SLC9A9: variants seen among roughly 807,000 people sequenced by gnomAD.
SLC9A9 encodes sodium/hydrogen exchanger 9.
SLC9A9 carries 62 observed loss-of-function variants against 77.8 expected under a neutral mutation model. The observed-to-expected ratio is 0.80, with a 90% CI of 0.65 to 0.98. The LOEUF is 0.98. Among genes scored for constraint, SLC9A9 ranks in the 50% least tolerant of loss-of-function variants. The pLI is 0.00. For missense variants in SLC9A9, 775 were observed against 774.9 expected, an observed-to-expected ratio of 1.00 and a Z score of 0.00; for synonymous variants, 320 against 283.5, an observed-to-expected ratio of 1.13 and a Z score of -1.29.
intron 12 of SLC9A9, among the ~76,000 whole-genome samples, chr3:143,445,378 A>T (rs1226763506): frequency 6.6e-6 from 1 of 152,158 alleles, no homozygotes; most frequent in African/African-American, 2.4e-5. Context: ...CACATAGGAG[A>T]TGTGATTCAC....
intron 5 of SLC9A9, 43 bp from the exon 6 acceptor site, chr3:143,652,403 G>A (rs1389751205): frequency 2.7e-6 from 4 of 1,490,574 alleles, no homozygotes; most frequent in Non-Finnish European, 3.7e-6. Context: ...TTGGATGCAG[G>A]CATGGAGTTT....
At chr3:143,500,389 G>A (rs1014964990) in intron 9 of SLC9A9, among the ~76,000 whole-genome samples, 2 of 152,088 alleles carry the variant, frequency 1.3e-5, no homozygotes, top group African/African-American at 2.4e-5. Context: ...AACTTTATGA[G>A]TGTTTTCAAG....
intron 11 of SLC9A9, among the ~76,000 whole-genome samples, chr3:143,486,942 TAA>T (rs958874804): frequency 3.3e-5 from 5 of 152,030 alleles, no homozygotes; most frequent in African/African-American, 1.2e-4. Context: ...GTAATTACTT[TAA>T]ATGTAAATGT....
chr3:143,792,217 C>T (rs1487750217), intron 4 of SLC9A9, among the ~76,000 whole-genome samples: 1 of 152,102 alleles, frequency 6.6e-6, no homozygotes, highest in Non-Finnish European at 1.5e-5. Context: ...GTCCTTGTCA[C>T]CATTTATTTA....
chr3:143,458,190 C>T (rs533957176), intron 12 of SLC9A9, among the ~76,000 whole-genome samples: 1 of 152,200 alleles, frequency 6.6e-6, no homozygotes, highest in Admixed American at 6.5e-5. Flanking sequence ...GTAATTCCCT[C>T]TTTAATCCTT....
intron 9 of SLC9A9, among the ~76,000 whole-genome samples, chr3:143,499,259 C>T (rs972165652): frequency 5.3e-5 from 8 of 152,082 alleles, no homozygotes; most frequent in East Asian, 1.9e-4. Context: ...GGATAAAATG[C>T]ACTTCTTTTT....
intron 6 of SLC9A9, among the ~76,000 whole-genome samples, chr3:143,651,942 G>T (rs977039335): frequency 2.0e-5 from 3 of 151,646 alleles, no homozygotes; most frequent in African/African-American, 7.3e-5. Context: ...AAAATTAAAT[G>T]ATATTGATTT....
At chr3:143,492,614 A>G (rs146403687) in intron 11 of SLC9A9, among the ~76,000 whole-genome samples, 185 of 152,330 alleles carry the variant, frequency 1.2e-3, no homozygotes, top group African/African-American at 3.9e-3. Flanking sequence ...TCAAGAATAC[A>G]TTTGTTCTTG....
chr3:143,573,241 C>T (rs1242869455), intron 8 of SLC9A9, among the ~76,000 whole-genome samples: 1 of 152,054 alleles, frequency 6.6e-6, no homozygotes, highest in Non-Finnish European at 1.5e-5. Flanking sequence ...GGGAGGTATA[C>T]CTTGCTACCA....
chr3:143,848,019 C>T (rs1380540837), intron 1 of SLC9A9, 129 bp downstream of exon 1: 2 of 991,670 alleles, frequency 2.0e-6, no homozygotes, highest in African/African-American at 1.6e-5. Flanking sequence ...GCTGCAGCAC[C>T]TTTCATCAAA....
intron 4 of SLC9A9, among the ~76,000 whole-genome samples, chr3:143,730,035 T>C (rs184981299): frequency 3.9e-5 from 6 of 152,336 alleles, no homozygotes; most frequent in Admixed American, 3.9e-4. Context: ...TATAACTTGT[T>C]CTCCAAACCA....
At chr3:143,648,122 A>G (rs56969358) in intron 6 of SLC9A9, among the ~76,000 whole-genome samples, 13,300 of 98,166 alleles carry the variant, frequency 0.14, 575 homozygotes, top group African/African-American at 0.17. Context: ...CTTTACAACC[A>G]TATTACTTTA....
chr3:143,430,414 C>A (rs977636061), intron 12 of SLC9A9, among the ~76,000 whole-genome samples: 4 of 152,186 alleles, frequency 2.6e-5, no homozygotes, highest in Admixed American at 2.0e-4. Flanking sequence ...TCACACACAC[C>A]TTTCTCTTAT....
intron 5 of SLC9A9, among the ~76,000 whole-genome samples, chr3:143,683,631 A>G (rs1363200678): frequency 6.6e-6 from 1 of 152,156 alleles, no homozygotes; most frequent in Non-Finnish European, 1.5e-5. Flanking sequence ...CCGTCACGAC[A>G]TGTAAGAACC....
chr3:143,436,611 G>C (rs2034626660), intron 12 of SLC9A9, among the ~76,000 whole-genome samples: 1 of 152,200 alleles, frequency 6.6e-6, no homozygotes, highest in African/African-American at 2.4e-5. Flanking sequence ...TGAAAGTGAG[G>C]CTGTCCTGGA....
At chr3:143,607,532 G>T (rs548033320) in intron 6 of SLC9A9, among the ~76,000 whole-genome samples, 1 of 152,072 alleles carries the variant, frequency 6.6e-6, no homozygotes, top group Non-Finnish European at 1.5e-5. Flanking sequence ...TATACATAGT[G>T]TCCAGGATGA....
intron 9 of SLC9A9, among the ~76,000 whole-genome samples, chr3:143,500,853 T>C (rs941183642): frequency 1.3e-5 from 2 of 150,724 alleles, no homozygotes; most frequent in African/African-American, 5.0e-5. Flanking sequence ...AAAATTTGCA[T>C]TTTATTGTAC....
intron 4 of SLC9A9, among the ~76,000 whole-genome samples, chr3:143,720,228 CTA>C (rs1004070288): frequency 5.0e-4 from 75 of 150,884 alleles, no homozygotes; most frequent in African/African-American, 1.8e-3. Flanking sequence ...ATGTATGTGT[CTA>C]TATGTATTTT....
At chr3:143,363,998 T>C (rs907914269) in intron 13 of SLC9A9, among the ~76,000 whole-genome samples, 1 of 152,198 alleles carries the variant, frequency 6.6e-6, no homozygotes, top group African/African-American at 2.4e-5. Flanking sequence ...TGATAGATTA[T>C]TACCAAAGGC....
Sources: gnomAD v4.1 joint callset for allele counts (sites outside exome capture counted in the v4.1 genomes callset) on GRCh38, gnomAD v4.1.1 for gene constraint, MANE v1.5 for transcripts, NCBI Gene and HGNC (gene_info 2026-07-23, HGNC 2026-07-21) for gene names.